Variants in CORO7 observed in about 807,000 individuals in gnomAD.
The protein encoded by CORO7 is coronin 7.
A neutral mutation model predicts 126.6 loss-of-function variants in CORO7; 107 were observed. The observed-to-expected ratio is 0.85, with a 90% CI of 0.72 to 0.99. The LOEUF (loss-of-function observed/expected upper bound fraction) is 0.99, where lower values mean the gene tolerates loss of function less well. Ranked by LOEUF, CORO7 falls within the 50% of genes least tolerant of loss-of-function variation. The pLI, the probability that CORO7 is intolerant of heterozygous loss-of-function variation, is 0.00. For missense variants in CORO7, 1,314 were observed against 1,255.8 expected, an observed-to-expected ratio of 1.05 and a Z score of -0.70; for synonymous variants, 603 against 536.8, an observed-to-expected ratio of 1.12 and a Z score of -1.70.
rs117324486 is a variant in CORO7, at chr16:4,399,075, T to C, written c.565-3736A>G. On this transcript the variant is annotated intron_variant, in intron 6 of 27. Coordinates refer to ENST00000251166, the MANE Select transcript of CORO7 (RefSeq NM_024535.5). ...GGTGCAACTGCTATGGAAAACAGTATGGCAGTTCCTCAAAAAATTAAAAAT... is the reference window on the plus strand; with the variant it reads ...GGTGCAACTGCTATGGAAAACAGTACGGCAGTTCCTCAAAAAATTAAAAAT... 6.4e-3 allele frequency among the ~76,000 whole-genome samples: 974 copies of C among 152,120 alleles called. 3 individuals carry two copies. Among genetic ancestry groups the C allele is most frequent in the Non-Finnish European group, 8.5e-3 (580 of 68,014 alleles).
At chr16:4,407,766 C>G in intron 4 of CORO7, 82 bp from the exon 5 acceptor site, 2 of 1,450,050 alleles carry the variant, frequency 1.4e-6, no homozygotes, top group Non-Finnish European at 1.8e-6. Context: ...AGTGAGGTCC[C>G]GTGTTGGAAC....
At chr16:4,404,950 C>G (rs1252875214) in intron 6 of CORO7, among the ~76,000 whole-genome samples, 1 of 152,150 alleles carries the variant, frequency 6.6e-6, no homozygotes, top group Non-Finnish European at 1.5e-5. Context: ...CAGGCACAAC[C>G]CTTACTCACC....
intron 7 of CORO7, among the ~76,000 whole-genome samples, chr16:4,394,208 G>A (rs992936285): frequency 3.3e-5 from 5 of 152,244 alleles, no homozygotes; most frequent in African/African-American, 1.2e-4. Flanking sequence ...CACTTTAGGA[G>A]GCCAAGGCGG....
At chr16:4,380,814 G>A in intron 9 of CORO7, 1 of 1,420,550 alleles carries the variant, frequency 7.0e-7, no homozygotes, top group South Asian at 1.5e-5. Flanking sequence ...TGGCGTGTCT[G>A]CCTTCTAGGC....
At chr16:4,381,409 C>T in intron 9 of CORO7, 1 of 1,586,410 alleles carries the variant, frequency 6.3e-7, no homozygotes. Context: ...GGACCTCAGC[C>T]ACAACAGCCT....
In CORO7 at chr16:4,408,505, C is replaced by T. The variant is rs74567660; in HGVS notation, c.233-254G>A. Among the ~76,000 whole-genome samples the T allele has an allele frequency of 8.4e-3, 1,282 of 152,326 alleles. 12 individuals carry two copies. The highest frequency in any genetic ancestry group is 0.031 in the Middle Eastern group (9 of 294). Reference sequence around the variant, plus strand: ...TTGGCAGGAAATGGGCAGGAAGCCGCTTGAGTCACCAGGCACCTGCAGGAA... The same window carrying T: ...TTGGCAGGAAATGGGCAGGAAGCCGTTTGAGTCACCAGGCACCTGCAGGAA... On this transcript the variant is annotated intron_variant, in intron 3 of 27. Coordinates refer to ENST00000251166, the MANE Select transcript of CORO7 (RefSeq NM_024535.5).
At chr16:4,368,797 C>G (rs1050480519) in intron 9 of CORO7, among the ~76,000 whole-genome samples, 2 of 151,652 alleles carry the variant, frequency 1.3e-5, no homozygotes, top group Admixed American at 1.3e-4. Flanking sequence ...ACAGCAAGAC[C>G]CTATCTCAAA....
intron 5 of CORO7, among the ~76,000 whole-genome samples, chr16:4,406,727 C>A (rs1290568903): frequency 6.6e-6 from 1 of 152,130 alleles, no homozygotes; most frequent in Admixed American, 6.5e-5. Flanking sequence ...GCAACCTCTG[C>A]CTCCTGGGTT....
At chr16:4,359,207 C>T (rs1596269191) in intron 23 of CORO7, 89 bp downstream of exon 23, 2 of 1,405,226 alleles carry the variant, frequency 1.4e-6, no homozygotes, top group Non-Finnish European at 1.9e-6. Flanking sequence ...GACCCCCGAC[C>T]CACAGGCTCC....
At chr16:4,358,272 T>A (rs1438796396) in intron 24 of CORO7, 95 bp downstream of exon 24, 1 of 1,541,802 alleles carries the variant, frequency 6.5e-7, no homozygotes, top group African/African-American at 1.4e-5. Flanking sequence ...GAACAATGGG[T>A]AGGGAAGTTT....
Position 4,359,301 on chromosome 16 carries a change from G to A in CORO7, c.2335C>T (p.His779Tyr), listed in dbSNP as rs770358307. Residue 779 changes from histidine (H) to tyrosine (Y), a missense_variant, in exon 23 of 28, where the codon CAC becomes TAC. Transcript: ENST00000251166. The stretch of plus-strand genomic sequence containing the variant: ...AGGCGCCAGGGTGGCCTCACCTTGT[G>A]GGGGTCAGGCGACGTGAAGCTGTTG... ...ECNSFTSPDPHKGLVLLPKTE... is the reference protein window; with the variant it reads ...ECNSFTSPDPYKGLVLLPKTE... The A allele has an allele frequency of 8.1e-6, 13 of 1,605,040 alleles. No homozygotes were observed. Among genetic ancestry groups the A allele is most frequent in the Non-Finnish European group, 1.0e-5 (12 of 1,176,718 alleles).
chr16:4,381,097 G>T (rs762599405), intron 9 of CORO7: 1 of 1,606,954 alleles, frequency 6.2e-7, no homozygotes, highest in South Asian at 1.1e-5. Flanking sequence ...CAGCTTTGCC[G>T]GCCTGCCGGG....
intron 3 of CORO7, among the ~76,000 whole-genome samples, chr16:4,409,276 G>A (rs1402416018): frequency 6.6e-6 from 1 of 152,222 alleles, no homozygotes; most frequent in East Asian, 1.9e-4. Context: ...CCCTGGCCTG[G>A]AATCCCAGCT....
Position 4,360,380 on chromosome 16 carries a change from C to T in CORO7, c.2023-17G>A, listed in dbSNP as rs141340048. 1,581 of 1,613,468 alleles carry T rather than the reference C, an allele frequency of 9.8e-4. 12 individuals are homozygous for T. The Middle Eastern group carries it at 0.016, about 16-fold the overall frequency. On this transcript the variant is annotated splice_polypyrimidine_tract_variant and intron_variant, in intron 20 of 27. Coordinates refer to ENST00000251166, the MANE Select transcript of CORO7 (RefSeq NM_024535.5). ...TGGGCCTTCCTGTTGAGATACATCG[C>T]GTGACACCCAGCCAGCACCCCTGAA...
rs760886155 is a variant in CORO7 at position 4,381,528 on chromosome 16, C to T, written c.785+6458G>A. 4.4e-6 allele frequency: 7 copies of T among 1,602,660 alleles called. No individual in the cohort carries two copies. In the East Asian group the frequency reaches 9.1e-5, roughly 21 times the overall value. ...AGGGGCTCTTCAGCCGCTTGCGCAA[C>T]CTCCACGACCTGGATGTGTCCGACA... On this transcript the variant is annotated intron_variant, in intron 9 of 27. Transcript: ENST00000251166.
intron 3 of CORO7, among the ~76,000 whole-genome samples, chr16:4,411,604 G>A (rs899043440): frequency 6.6e-6 from 1 of 152,100 alleles, no homozygotes; most frequent in East Asian, 1.9e-4. Flanking sequence ...TTAGTACAGA[G>A]AGCAATCTCC....
At chr16:4,386,178 G>A (rs1157068660) in intron 9 of CORO7, among the ~76,000 whole-genome samples, 5 of 152,208 alleles carry the variant, frequency 3.3e-5, no homozygotes, top group Non-Finnish European at 7.3e-5. Context: ...GAGGACCCTA[G>A]CCTGGCCACC....
At chr16:4,358,979 G>A (rs1221632735) in intron 23 of CORO7, 15 of 425,322 alleles carry the variant, frequency 3.5e-5, no homozygotes, top group Non-Finnish European at 5.0e-5. Context: ...GTCTTGCTAT[G>A]TTGCCCAGGC....
At chr16:4,365,866 C>T (rs995934907) in intron 9 of CORO7, among the ~76,000 whole-genome samples, 1 of 152,180 alleles carries the variant, frequency 6.6e-6, no homozygotes, top group Non-Finnish European at 1.5e-5. Context: ...CATTCTGTGC[C>T]CCTCCCACCT....
Sources: allele counts gnomAD v4.1 joint callset (sites outside exome capture counted in the v4.1 genomes callset), GRCh38; gene constraint gnomAD v4.1.1; transcripts MANE v1.5; gene names NCBI Gene and HGNC (gene_info 2026-07-23, HGNC 2026-07-21).